The following CADPS variants were observed in gnomAD, a reference collection of about 807,000 sequenced individuals.
The protein encoded by CADPS is calcium-dependent secretion activator 1.
A neutral mutation model predicts 167.3 loss-of-function variants in CADPS; 57 were observed. The ratio of observed to expected loss-of-function variants is 0.34; its 90% CI spans 0.28 to 0.42. CADPS has a LOEUF of 0.42. Among genes scored for constraint, CADPS ranks in the 20% least tolerant of loss-of-function variants. The pLI is 1.00. For synonymous variants in CADPS, 676 were observed against 635.3 expected (o/e 1.06, Z -0.96); for missense variants, 1,414 against 1,738.1 (o/e 0.81, Z 3.32).
chr3:62,414,429 G>A (rs979066427), intron 28 of CADPS, among the ~76,000 whole-genome samples: 2 of 152,244 alleles, frequency 1.3e-5, no homozygotes, highest in African/African-American at 4.8e-5. Flanking sequence ...ATAATGCAAG[G>A]CAGGCAAAGC....
At chr3:62,740,734 A>G (rs112869009) in intron 3 of CADPS, among the ~76,000 whole-genome samples, 10 of 152,220 alleles carry the variant, frequency 6.6e-5, no homozygotes, top group African/African-American at 2.4e-4. Context: ...ACTAACTACC[A>G]TCACCAACCC....
chr3:62,623,538 G>A (rs2063505870), intron 6 of CADPS, among the ~76,000 whole-genome samples: 1 of 151,992 alleles, frequency 6.6e-6, no homozygotes, highest in Admixed American at 6.6e-5. Context: ...ATTTATTTTT[G>A]GCATATAAGA....
In CADPS at chr3:62,765,955, C is replaced by G. The variant is rs1469702462; in HGVS notation, c.471G>C (p.Lys157Asn). 1 of 1,613,344 alleles carries G rather than the reference C, an allele frequency of 6.2e-7. No homozygotes were observed. Among genetic ancestry groups the G allele is most frequent in the Admixed American group, 1.7e-5 (1 of 59,986 alleles). The change falls in exon 2 of 30, where the codon AAG (lysine) becomes AAC (asparagine). Residue 157 changes from lysine (K) to asparagine (N), a missense_variant. Around this residue, in one of 6 missense-constraint regions of CADPS, gnomAD observed 522 missense variants for 559.5 expected, o/e 0.93. Coordinates refer to ENST00000383710, the MANE Select transcript of CADPS (RefSeq NM_003716.4). ...KISKQQLQTV[K>N]DRFQAFLNGE... ...CATTGAGGAAAGCCTGAAACCGGTC[C>G]TTGACTGTCTGCAGCTGCTGTTTGC...
chr3:62,814,985 C>T (rs976328066), intron 1 of CADPS, among the ~76,000 whole-genome samples: 2 of 152,130 alleles, frequency 1.3e-5, no homozygotes, highest in African/African-American at 4.8e-5. Context: ...CTTTTTGGTC[C>T]CTCTCTTAAC....
rs1033763962 is a variant in CADPS at position 62,478,570 on chromosome 3, G to T, written c.3174-154C>A. 6.6e-6 allele frequency among the ~76,000 whole-genome samples: 1 copy of T among 152,022 alleles called. No homozygotes were observed. Among genetic ancestry groups the T allele is most frequent in the East Asian group, 1.9e-4 (1 of 5,172 alleles). On this transcript the variant is annotated intron_variant, in intron 22 of 29. Coordinates refer to ENST00000383710, the MANE Select transcript of CADPS (RefSeq NM_003716.4). The surrounding 1 kb of genome is among the most constrained non-coding windows in gnomAD (Gnocchi z 5.7). ...GTGGAGGCGGGGGCGAGTCTCCACC[G>T]GCAGATTTTGAGTTTTACCATACAT...
chr3:62,726,254 T>C (rs1175552182), intron 3 of CADPS, among the ~76,000 whole-genome samples: 3 of 151,882 alleles, frequency 2.0e-5, no homozygotes, highest in African/African-American at 7.3e-5. Flanking sequence ...TTGGGAAGGA[T>C]GACAGGCACA....
At chr3:62,542,102 T>C (rs2075781266) in intron 11 of CADPS, among the ~76,000 whole-genome samples, 1 of 152,146 alleles carries the variant, frequency 6.6e-6, no homozygotes. Context: ...TTGAAAATAA[T>C]TATGATTATA....
At chr3:62,405,417 T>C (rs75825320) in intron 28 of CADPS, among the ~76,000 whole-genome samples, 5,545 of 150,424 alleles carry the variant, frequency 0.037, 175 homozygotes, top group East Asian at 0.13. Flanking sequence ...CATGCCTTTT[T>C]CTCTTTGCTG....
At chr3:62,407,026 T>G (rs927280302) in intron 28 of CADPS, among the ~76,000 whole-genome samples, 1 of 152,086 alleles carries the variant, frequency 6.6e-6, no homozygotes, top group Non-Finnish European at 1.5e-5. Context: ...TTTATAGGCT[T>G]TTTCTGATGG....
At chr3:62,463,803 T>C (rs1027781907) in intron 26 of CADPS, among the ~76,000 whole-genome samples, 10 of 152,208 alleles carry the variant, frequency 6.6e-5, no homozygotes, top group African/African-American at 2.4e-4. Context: ...CTACTGTCAT[T>C]ATCCCCTTCC....
intron 1 of CADPS, among the ~76,000 whole-genome samples, chr3:62,782,166 C>T (rs1267479073): frequency 6.6e-6 from 1 of 152,048 alleles, no homozygotes; most frequent in African/African-American, 2.4e-5. Flanking sequence ...AAAAGAAATA[C>T]CAGGGGGGAA....
intron 3 of CADPS, among the ~76,000 whole-genome samples, chr3:62,666,558 C>T (rs989434322): frequency 3.9e-5 from 6 of 152,106 alleles, no homozygotes; most frequent in Non-Finnish European, 4.4e-5. Flanking sequence ...AATGTACATG[C>T]GCATAAAGGC....
intron 26 of CADPS, among the ~76,000 whole-genome samples, chr3:62,448,678 A>G (rs1280305778): frequency 6.6e-6 from 1 of 151,770 alleles, no homozygotes; most frequent in African/African-American, 2.4e-5. Flanking sequence ...CAGTGGCGCG[A>G]TCTCGGCCCA....
At chr3:62,672,338 G>T (rs2075675376) in intron 3 of CADPS, among the ~76,000 whole-genome samples, 1 of 152,136 alleles carries the variant, frequency 6.6e-6, no homozygotes, top group African/African-American at 2.4e-5. Flanking sequence ...TTTAACTCAG[G>T]CTTTGCAAGG....
intron 13 of CADPS, chr3:62,530,883 G>A (rs758566739): frequency 3.0e-5 from 22 of 740,452 alleles, no homozygotes; most frequent in Non-Finnish European, 3.7e-5. Context: ...AAGAGCACAC[G>A]CACATGCACA....
At chr3:62,683,797 G>A (rs900128647) in intron 3 of CADPS, among the ~76,000 whole-genome samples, 4 of 152,070 alleles carry the variant, frequency 2.6e-5, no homozygotes, top group Admixed American at 2.0e-4. Context: ...TACTGGTCAG[G>A]TATTTTGTGG....
chr3:62,783,464 A>C (rs2092009913), intron 1 of CADPS, among the ~76,000 whole-genome samples: 1 of 152,106 alleles, frequency 6.6e-6, no homozygotes, highest in Admixed American at 6.5e-5. Context: ...TCCAGGTCTG[A>C]TGTGTTAGCG....
At chr3:62,447,526 A>T (rs1407589832) in intron 26 of CADPS, among the ~76,000 whole-genome samples, 1 of 152,128 alleles carries the variant, frequency 6.6e-6, no homozygotes, top group African/African-American at 2.4e-5. Flanking sequence ...CTGTCTCCTC[A>T]TTGATTCACC....
At chr3:62,653,664 T>C (rs2070801014) in intron 4 of CADPS, among the ~76,000 whole-genome samples, 1 of 152,178 alleles carries the variant, frequency 6.6e-6, no homozygotes. Context: ...TCAATACATA[T>C]GAATTGAGTG....
Sources: allele counts gnomAD v4.1 joint callset (sites outside exome capture counted in the v4.1 genomes callset), GRCh38; gene constraint gnomAD v4.1.1; regional missense constraint gnomAD v4.1.1; non-coding constraint Gnocchi (gnomAD v3.1); transcripts MANE v1.5; gene names NCBI Gene and HGNC (gene_info 2026-07-23, HGNC 2026-07-21).